The following SLC24A2 variants were observed in gnomAD, a reference collection of about 807,000 sequenced individuals.
SLC24A2 encodes the protein sodium/potassium/calcium exchanger 2.
Under a neutral mutation model 62.0 loss-of-function variants are expected in SLC24A2, and 36 were observed. The observed-to-expected ratio is 0.58, with a 90% CI of 0.44 to 0.77. The LOEUF is 0.77. Ranked by LOEUF, SLC24A2 falls within the 30% of genes least tolerant of loss-of-function variation. The pLI is 0.00. For missense variants in SLC24A2, 846 were observed against 817.9 expected, an observed-to-expected ratio of 1.03 and a Z score of -0.42; for synonymous variants, 358 against 294.0, an observed-to-expected ratio of 1.22 and a Z score of -2.23.
At chr9:19,895,943 C>T in the SLC24A2 span, 35 of 1,613,026 alleles carry the variant, frequency 2.2e-5, no homozygotes, top group African/African-American at 2.4e-4. Flanking sequence ...AACAGCTGCA[C>T]GTGCTCCAGG....
chr9:20,116,231 C>T, the SLC24A2 span, among the ~76,000 whole-genome samples: 6 of 152,284 alleles, frequency 3.9e-5, no homozygotes, highest in East Asian at 9.6e-4. Context: ...ATGCCATTCT[C>T]ATAGCTCTAA....
At chr9:19,760,206 G>T (rs546515650) in intron 2 of SLC24A2, among the ~76,000 whole-genome samples, 1 of 151,780 alleles carries the variant, frequency 6.6e-6, no homozygotes, top group Non-Finnish European at 1.5e-5. Flanking sequence ...CTATTAAAAT[G>T]TGGGCACTTG....
At chr9:19,886,929 A>G in the SLC24A2 span, among the ~76,000 whole-genome samples, 3 of 152,172 alleles carry the variant, frequency 2.0e-5, no homozygotes, top group Non-Finnish European at 4.4e-5. Context: ...GGCAGCCATT[A>G]TACTCAGCAA....
At chr9:19,687,810 T>A (rs1410992220) in intron 2 of SLC24A2, among the ~76,000 whole-genome samples, 1 of 152,052 alleles carries the variant, frequency 6.6e-6, no homozygotes, top group African/African-American at 2.4e-5. Context: ...ATAATTTGGG[T>A]GACAAATGCT....
the SLC24A2 span, among the ~76,000 whole-genome samples, chr9:20,029,364 T>C: frequency 3.3e-5 from 5 of 152,234 alleles, no homozygotes; most frequent in Non-Finnish European, 7.3e-5. Context: ...CACCTAATGT[T>C]TTAAAAGGAT....
chr9:19,537,926 G>A (rs1434761041), intron 8 of SLC24A2, among the ~76,000 whole-genome samples: 2 of 20,316 alleles, frequency 9.8e-5, no homozygotes, highest in East Asian at 2.5e-3. Context: ...CACATCCCTT[G>A]TAAGTTGGAT....
At chr9:20,152,917 G>T in the SLC24A2 span, among the ~76,000 whole-genome samples, 1 of 151,756 alleles carries the variant, frequency 6.6e-6, no homozygotes, top group Non-Finnish European at 1.5e-5. Flanking sequence ...CTTAGAATTT[G>T]GAGCGTTAGT....
chr9:20,079,231 A>G, the SLC24A2 span, among the ~76,000 whole-genome samples: 1 of 152,162 alleles, frequency 6.6e-6, no homozygotes, highest in African/African-American at 2.4e-5. Flanking sequence ...TTGGTTTTGG[A>G]CTTCCGGCCT....
At chr9:20,139,049 G>T in the SLC24A2 span, among the ~76,000 whole-genome samples, 18 of 152,194 alleles carry the variant, frequency 1.2e-4, no homozygotes, top group Admixed American at 2.6e-4. Flanking sequence ...GAAACCAATT[G>T]TGTAAATTAA....
chr9:19,647,064 GCGCGCACACACA>G (rs1818660862), intron 2 of SLC24A2, among the ~76,000 whole-genome samples: 1 of 25,186 alleles, frequency 4.0e-5, no homozygotes. Context: ...ACACACACAC[GCGCGCACACACA>G]CACACACACA....
chr9:20,089,029 C>T, the SLC24A2 span, among the ~76,000 whole-genome samples: 1 of 152,112 alleles, frequency 6.6e-6, no homozygotes, highest in African/African-American at 2.4e-5. Flanking sequence ...TGGGTGGGTC[C>T]CCCCAGCCTG....
chr9:20,234,409 G>A, the SLC24A2 span, among the ~76,000 whole-genome samples: 2 of 152,166 alleles, frequency 1.3e-5, no homozygotes, highest in Non-Finnish European at 1.5e-5. Context: ...CATATTTCTT[G>A]GAGGCTTTGT....
At chr9:19,956,595 C>T in the SLC24A2 span, among the ~76,000 whole-genome samples, 1 of 152,174 alleles carries the variant, frequency 6.6e-6, no homozygotes, top group Non-Finnish European at 1.5e-5. Context: ...TGACATCTTA[C>T]TGTATGGCAG....
the SLC24A2 span, among the ~76,000 whole-genome samples, chr9:20,087,089 A>G: frequency 6.6e-6 from 1 of 152,204 alleles, no homozygotes; most frequent in African/African-American, 2.4e-5. Flanking sequence ...TCTTGCCTGA[A>G]TTCTGTGCAG....
At chr9:20,160,899 A>G in the SLC24A2 span, among the ~76,000 whole-genome samples, 2 of 151,112 alleles carry the variant, frequency 1.3e-5, no homozygotes, top group African/African-American at 4.8e-5. Context: ...CAGAGCAGAA[A>G]ATAAAGCATA....
chr9:19,664,605 A>C (rs527978071), intron 2 of SLC24A2, among the ~76,000 whole-genome samples: 1 of 152,352 alleles, frequency 6.6e-6, no homozygotes, highest in South Asian at 2.1e-4. Context: ...ATATGACCTT[A>C]TTTGGCACAG....
chr9:19,717,414 C>T (rs78015025), intron 2 of SLC24A2, among the ~76,000 whole-genome samples: 2,998 of 152,168 alleles, frequency 0.02, 97 homozygotes, highest in African/African-American at 0.068. Flanking sequence ...AAGTTTAGTT[C>T]TTTGATTAAC....
At chr9:19,906,464 A>C in the SLC24A2 span, among the ~76,000 whole-genome samples, 1 of 151,896 alleles carries the variant, frequency 6.6e-6, no homozygotes, top group Non-Finnish European at 1.5e-5. Flanking sequence ...AGAAGGCAAG[A>C]AATAACTAAG....
At chr9:20,020,078 C>T in the SLC24A2 span, among the ~76,000 whole-genome samples, 1 of 152,152 alleles carries the variant, frequency 6.6e-6, no homozygotes, top group Non-Finnish European at 1.5e-5. Context: ...ACAACAGATA[C>T]TGGAGAGGAT....
Sources: allele counts gnomAD v4.1 joint callset (sites outside exome capture counted in the v4.1 genomes callset), GRCh38; gene constraint gnomAD v4.1.1; transcripts MANE v1.5; gene names NCBI Gene and HGNC (gene_info 2026-07-23, HGNC 2026-07-21).